Variants in NREP observed in about 807,000 individuals in gnomAD.
NREP encodes neuronal regeneration-related protein.
In NREP, 5 loss-of-function variants were observed where a neutral mutation model predicts 8.6. The observed-to-expected ratio is 0.58, with a 90% CI of 0.30 to 1.22. NREP has a LOEUF of 1.22. Among genes scored for constraint, NREP ranks in the 50% most tolerant of loss-of-function variants. The pLI is 0.07. For missense variants in NREP, 86 were observed against 82.5 expected (o/e 1.04, Z -0.17); for synonymous variants, 27 against 28.0 (o/e 0.96, Z 0.11).
chr5:111,763,776 T>G (rs78322210), intron 2 of NREP, among the ~76,000 whole-genome samples: 17 of 145,374 alleles, frequency 1.2e-4, no homozygotes, highest in Admixed American at 2.7e-4. Flanking sequence ...GTGTGTGTGT[T>G]TGTGTGTGCG....
At chr5:111,811,396 G>A (rs776511174) in intron 2 of NREP, among the ~76,000 whole-genome samples, 27 of 152,126 alleles carry the variant, frequency 1.8e-4, no homozygotes, top group Non-Finnish European at 3.7e-4. Flanking sequence ...TCGTATTCCC[G>A]TAGGAAAGAA....
At chr5:111,792,023 A>G (rs1032443881) in intron 2 of NREP, among the ~76,000 whole-genome samples, 1 of 152,204 alleles carries the variant, frequency 6.6e-6, no homozygotes. Flanking sequence ...CTATATAGTT[A>G]TAAACTATCA....
chr5:111,807,317 A>G (rs1752165413), intron 2 of NREP, among the ~76,000 whole-genome samples: 1 of 152,160 alleles, frequency 6.6e-6, no homozygotes, highest in Admixed American at 6.5e-5. Flanking sequence ...CCATCAGGTT[A>G]TTCCATCACT....
At chr5:111,868,179 A>G (rs1336590200) in intron 2 of NREP, among the ~76,000 whole-genome samples, 1 of 152,180 alleles carries the variant, frequency 6.6e-6, no homozygotes, top group East Asian at 1.9e-4. Context: ...GGAAACGTGG[A>G]ATCAGAGATA....
At chr5:111,901,157 T>G (rs940901344) in intron 2 of NREP, among the ~76,000 whole-genome samples, 1 of 152,158 alleles carries the variant, frequency 6.6e-6, no homozygotes, top group Admixed American at 6.6e-5. Context: ...ATTATGAAGT[T>G]TTGTCCTTCA....
chr5:111,830,538 C>A (rs1450114184), intron 2 of NREP, among the ~76,000 whole-genome samples: 2 of 152,190 alleles, frequency 1.3e-5, no homozygotes, highest in African/African-American at 4.8e-5. Flanking sequence ...GTTTATTTGG[C>A]TGAGTCACAA....
chr5:111,960,134 T>G (rs2112651281), intron 2 of NREP, among the ~76,000 whole-genome samples: 1 of 152,290 alleles, frequency 6.6e-6, no homozygotes, highest in South Asian at 2.1e-4. Flanking sequence ...GCTCATTCTA[T>G]TACAAATTAT....
chr5:111,781,005 T>C (rs1278197649), intron 2 of NREP, among the ~76,000 whole-genome samples: 2 of 152,140 alleles, frequency 1.3e-5, no homozygotes, highest in Non-Finnish European at 2.9e-5. Flanking sequence ...ACAAACAACA[T>C]CTTTTCTTAA....
chr5:111,955,924 G>T, intron 2 of NREP, among the ~76,000 whole-genome samples: 1 of 151,078 alleles, frequency 6.6e-6, no homozygotes, highest in African/African-American at 2.4e-5. Flanking sequence ...CAAAAACGTT[G>T]GGCTTCCTGT....
At chr5:111,936,090 T>G (rs1755674007) in intron 2 of NREP, among the ~76,000 whole-genome samples, 1 of 152,064 alleles carries the variant, frequency 6.6e-6, no homozygotes, top group Non-Finnish European at 1.5e-5. Flanking sequence ...CCCCTGTGTC[T>G]TTGTTTCTGT....
intron 2 of NREP, among the ~76,000 whole-genome samples, chr5:111,751,877 A>G (rs919113154): frequency 1.6e-4 from 25 of 152,282 alleles, no homozygotes; most frequent in African/African-American, 5.3e-4. Context: ...GCCTTAAAAG[A>G]CTTTCCAACC....
intron 2 of NREP, among the ~76,000 whole-genome samples, chr5:111,775,450 A>G (rs1187462605): frequency 6.6e-6 from 1 of 152,152 alleles, no homozygotes; most frequent in Non-Finnish European, 1.5e-5. Context: ...GAATCTTGCT[A>G]AGAATGCAAA....
At chr5:111,811,135 T>C (rs1752260148) in intron 2 of NREP, among the ~76,000 whole-genome samples, 1 of 152,118 alleles carries the variant, frequency 6.6e-6, no homozygotes, top group East Asian at 1.9e-4. Context: ...GAACTTAACA[T>C]CACTTCTGTC....
chr5:111,756,786 A>G (rs1347310609), intron 1 of NREP, among the ~76,000 whole-genome samples: 1 of 152,216 alleles, frequency 6.6e-6, no homozygotes, highest in Non-Finnish European at 1.5e-5. Flanking sequence ...TGCATGCACC[A>G]AAGTGCATTT....
intron 2 of NREP, among the ~76,000 whole-genome samples, chr5:111,790,685 C>G (rs1345910490): frequency 6.6e-6 from 1 of 152,020 alleles, no homozygotes; most frequent in African/African-American, 2.4e-5. Context: ...TAGAAAGTAA[C>G]TAAATGATTT....
At chr5:111,939,743 A>C (rs555804676) in intron 2 of NREP, among the ~76,000 whole-genome samples, 1 of 152,000 alleles carries the variant, frequency 6.6e-6, no homozygotes, top group East Asian at 1.9e-4. Flanking sequence ...ATGGTCCCCA[A>C]GTGTAATACA....
chr5:111,951,198 G>T (rs1756151261), intron 2 of NREP, among the ~76,000 whole-genome samples: 1 of 151,818 alleles, frequency 6.6e-6, no homozygotes, highest in African/African-American at 2.4e-5. Context: ...TGCTATGGAG[G>T]GCTTCTGTTT....
chr5:111,965,854 T>G (rs751732911), intron 2 of NREP, among the ~76,000 whole-genome samples: 9 of 152,164 alleles, frequency 5.9e-5, no homozygotes, highest in Non-Finnish European at 1.0e-4. Context: ...ATATTACAAG[T>G]GCTTGATATG....
chr5:111,805,717 A>G (rs1026574051), intron 2 of NREP, among the ~76,000 whole-genome samples: 4 of 152,230 alleles, frequency 2.6e-5, no homozygotes, highest in South Asian at 2.1e-4. Context: ...GACTGAATGA[A>G]TAAATAAATC....
Sources: gnomAD v4.1 joint callset for allele counts (sites outside exome capture counted in the v4.1 genomes callset) on GRCh38, gnomAD v4.1.1 for gene constraint, MANE v1.5 for transcripts, NCBI Gene and HGNC (gene_info 2026-07-23, HGNC 2026-07-21) for gene names.